Variants in RPTOR observed in about 807,000 individuals in gnomAD.
RPTOR encodes regulatory associated protein of MTOR complex 1, also known as regulatory-associated protein of mTOR.
In RPTOR, 21 loss-of-function variants were observed where a neutral mutation model predicts 169.9. The observed-to-expected ratio is 0.12, with a 90% CI of 0.09 to 0.18. The LOEUF (loss-of-function observed/expected upper bound fraction) is 0.18, where lower values mean the gene tolerates loss of function less well. RPTOR is among the 10% of genes least tolerant of loss of function. RPTOR has a pLI of 1.00. For synonymous variants in RPTOR, 732 were observed against 753.2 expected (o/e 0.97, Z 0.46); for missense variants, 1,133 against 1,855.9 (o/e 0.61, Z 7.16).
intron 1 of RPTOR, among the ~76,000 whole-genome samples, chr17:80,607,006 C>G (rs1403875014): frequency 1.3e-5 from 2 of 152,182 alleles, no homozygotes; most frequent in African/African-American, 4.8e-5. Context: ...GGTCGTATTA[C>G]AGATGCAGCA....
intron 1 of RPTOR, among the ~76,000 whole-genome samples, chr17:80,550,528 C>G (rs78544657): frequency 0.013 from 2,011 of 152,282 alleles, 41 homozygotes; most frequent in African/African-American, 0.046. Flanking sequence ...CTTAAACCCC[C>G]AATCTTTAGT....
chr17:80,560,301 G>T (rs957560232), intron 1 of RPTOR, among the ~76,000 whole-genome samples: 1 of 152,212 alleles, frequency 6.6e-6, no homozygotes, highest in Non-Finnish European at 1.5e-5. Context: ...CGGGAGCAGG[G>T]CGGAGGATGG....
At chr17:80,736,043 G>A (rs1018366608) in intron 5 of RPTOR, among the ~76,000 whole-genome samples, 17 of 152,074 alleles carry the variant, frequency 1.1e-4, no homozygotes, top group African/African-American at 2.4e-4. Flanking sequence ...GTAGTGGCAC[G>A]CATGTGTCAT....
chr17:80,758,911 A>T (rs1283079014), intron 6 of RPTOR, among the ~76,000 whole-genome samples: 1 of 151,430 alleles, frequency 6.6e-6, no homozygotes, highest in East Asian at 1.9e-4. Context: ...TGACATCGCT[A>T]CCTTCCTGTG....
chr17:80,731,144 C>G (rs1310088671), intron 5 of RPTOR, among the ~76,000 whole-genome samples: 1 of 152,160 alleles, frequency 6.6e-6, no homozygotes, highest in Non-Finnish European at 1.5e-5. Flanking sequence ...CTGCAAAGTT[C>G]TGGGATTACA....
chr17:80,780,911 G>T (rs368475418), intron 6 of RPTOR, among the ~76,000 whole-genome samples: 1 of 152,226 alleles, frequency 6.6e-6, no homozygotes, highest in Non-Finnish European at 1.5e-5. Flanking sequence ...GCTCTCAGTT[G>T]TCAGGGGTAC....
At chr17:80,832,308 C>A (rs2067513931) in intron 9 of RPTOR, among the ~76,000 whole-genome samples, 1 of 152,206 alleles carries the variant, frequency 6.6e-6, no homozygotes, top group Non-Finnish European at 1.5e-5. Context: ...CTTCCATCCC[C>A]CGTGGAAGCT....
At position 80,861,423 on chromosome 17, in the gene RPTOR, C is replaced by T. The variant is rs1246755754; in HGVS notation, c.1509+3523C>T. Among the ~76,000 whole-genome samples the T allele has an allele frequency of 4.1e-5, 6 of 144,762 alleles. 1 individual carries two copies. The highest frequency in any genetic ancestry group is 9.8e-5 in the African/African-American group (4 of 40,932). 95.0% of individuals were successfully genotyped at this position (144,762 alleles called of 152,430 possible). On this transcript the variant is annotated intron_variant, in intron 13 of 33. Coordinates refer to ENST00000306801, the MANE Select transcript of RPTOR (RefSeq NM_020761.3). This position sits in a 1 kb window ranked among gnomAD's most constrained non-coding sequence, Gnocchi z 4.5. ...AAGCTTGGCTTTGTGGATCAGGACG[C>T]GAGAGGTGTGGGTCATTTCTATTTT...
At chr17:80,644,002 C>G (rs1244081752) in intron 3 of RPTOR, among the ~76,000 whole-genome samples, 192 bp downstream of exon 3, 2 of 152,250 alleles carry the variant, frequency 1.3e-5, no homozygotes, top group African/African-American at 4.8e-5. Context: ...GTCTTGACAG[C>G]GTCCGCATTA....
intron 21 of RPTOR, among the ~76,000 whole-genome samples, chr17:80,919,312 C>T (rs930841653): frequency 6.6e-6 from 1 of 152,190 alleles, no homozygotes; most frequent in South Asian, 2.1e-4. Context: ...GCGGCCTCTG[C>T]GCTATTCTTA....
intron 20 of RPTOR, among the ~76,000 whole-genome samples, chr17:80,907,097 G>A (rs1418416072): frequency 6.6e-5 from 10 of 152,174 alleles, no homozygotes; most frequent in African/African-American, 9.7e-5. Context: ...TGACTGTGTC[G>A]TGCAAAACCC....
chr17:80,583,678 T>A (rs529215981), intron 1 of RPTOR, among the ~76,000 whole-genome samples: 5 of 152,196 alleles, frequency 3.3e-5, no homozygotes, highest in African/African-American at 9.6e-5. Flanking sequence ...AACCCGGTAG[T>A]GAAGGGGGAA....
intron 14 of RPTOR, among the ~76,000 whole-genome samples, chr17:80,880,894 G>A (rs1028880878): frequency 3.3e-5 from 5 of 152,152 alleles, no homozygotes; most frequent in Admixed American, 6.5e-5. Flanking sequence ...AGAAGATATC[G>A]AAGCACCCCA....
intron 1 of RPTOR, among the ~76,000 whole-genome samples, chr17:80,618,219 T>C (rs1326465043): frequency 1.3e-5 from 2 of 152,180 alleles, no homozygotes; most frequent in East Asian, 3.9e-4. Flanking sequence ...ACTCCTGACC[T>C]CAGGTGATCC....
chr17:80,622,059 A>G (rs7502196), intron 1 of RPTOR, among the ~76,000 whole-genome samples: 1 of 152,168 alleles, frequency 6.6e-6, no homozygotes, highest in East Asian at 1.9e-4. Flanking sequence ...CAGATTAGGG[A>G]CAAGATAAGA....
Position 80,947,914 on chromosome 17 carries a change from G to GT in RPTOR, c.3265+569dup, listed in dbSNP as rs1164661849. Among the ~76,000 whole-genome samples, 1 of 152,212 alleles carries GT rather than the reference G, an allele frequency of 6.6e-6. No individual in the cohort carries two copies. The highest frequency in any genetic ancestry group is 1.5e-5 in the Non-Finnish European group (1 of 68,024). The stretch of plus-strand genomic sequence containing the variant: ...TTTGGTTTTCTTGGGTTTTCGGGGG[G>GT]TTTTTTGGAGGGGTCCGAAATGTCT... On this transcript the variant is annotated intron_variant, in intron 27 of 33. Coordinates refer to ENST00000306801, the MANE Select transcript of RPTOR (RefSeq NM_020761.3). The surrounding 1 kb of genome is among the most constrained non-coding windows in gnomAD (Gnocchi z 4.4).
intron 9 of RPTOR, among the ~76,000 whole-genome samples, chr17:80,827,294 G>A (rs1293639117): frequency 6.6e-6 from 1 of 152,260 alleles, no homozygotes; most frequent in Non-Finnish European, 1.5e-5. Flanking sequence ...CTAATCCTGT[G>A]TGACAGCAGT....
At chr17:80,826,353 C>G (rs2067443045) in intron 9 of RPTOR, among the ~76,000 whole-genome samples, 1 of 152,226 alleles carries the variant, frequency 6.6e-6, no homozygotes, top group African/African-American at 2.4e-5. Context: ...CATGTTTCCT[C>G]TCCTCATCCG....
intron 9 of RPTOR, among the ~76,000 whole-genome samples, chr17:80,836,663 T>C (rs8067356): frequency 6.6e-6 from 1 of 151,922 alleles, no homozygotes; most frequent in Non-Finnish European, 1.5e-5. Context: ...TTAGGGGGGC[T>C]GTGTTAGAGC....
Sources: gnomAD v4.1 joint callset for allele counts (sites outside exome capture counted in the v4.1 genomes callset) on GRCh38, gnomAD v4.1.1 for gene constraint, Gnocchi (gnomAD v3.1) non-coding constraint, MANE v1.5 for transcripts, NCBI Gene and HGNC (gene_info 2026-07-23, HGNC 2026-07-21) for gene names.